Variants in MB21D2 observed in about 807,000 individuals in gnomAD.
MB21D2 encodes Mab-21 domain containing 2, also known as nucleotidyltransferase MB21D2.
In MB21D2, 9 loss-of-function variants were observed where a neutral mutation model predicts 33.3. That is an observed-to-expected ratio of 0.27 (90% CI 0.16 to 0.47). The LOEUF is 0.47. Among genes scored for constraint, MB21D2 ranks in the 20% least tolerant of loss-of-function variants. The pLI, the probability that MB21D2 is intolerant of heterozygous loss-of-function variation, is 0.99. For missense variants in MB21D2, 540 were observed against 624.6 expected, an observed-to-expected ratio of 0.86 and a Z score of 1.44; for synonymous variants, 241 against 236.3, an observed-to-expected ratio of 1.02 and a Z score of -0.18.
chr3:192,800,103 T>A (rs1711523029), intron 1 of MB21D2, among the ~76,000 whole-genome samples: 1 of 152,166 alleles, frequency 6.6e-6, no homozygotes, highest in Admixed American at 6.6e-5. Flanking sequence ...TTCGGCCTTT[T>A]TTATCTATTG....
At chr3:192,813,678 A>T (rs970828547) in intron 1 of MB21D2, among the ~76,000 whole-genome samples, 4 of 152,180 alleles carry the variant, frequency 2.6e-5, no homozygotes, top group African/African-American at 4.8e-5. Flanking sequence ...AGTCAAGATG[A>T]GTATACAAAG....
In MB21D2 at chr3:192,898,367, G is replaced by GA. The variant is rs140113179; in HGVS notation, c.211+19262dup. On this transcript the variant is annotated intron_variant, in intron 1 of 1. Coordinates refer to ENST00000392452, the MANE Select transcript of MB21D2 (RefSeq NM_178496.4). ...ACTATCTCATACTTTTCTTAATTGA[G>GA]AAAAAAGAAATTCTCATATTTAGAA... Among the ~76,000 whole-genome samples, 515 of 151,588 alleles carry GA rather than the reference G, an allele frequency of 3.4e-3. 7 individuals are homozygous for GA. Among genetic ancestry groups the GA allele is most frequent in the Middle Eastern group, 0.024 (7 of 292 alleles).
intron 1 of MB21D2, among the ~76,000 whole-genome samples, chr3:192,849,190 C>T (rs1263089229): frequency 1.3e-5 from 2 of 152,170 alleles, no homozygotes; most frequent in African/African-American, 4.8e-5. Context: ...TGCTCCCATG[C>T]TCACACTTGC....
At chr3:192,840,898 C>T (rs752987068) in intron 1 of MB21D2, among the ~76,000 whole-genome samples, 2 of 152,112 alleles carry the variant, frequency 1.3e-5, no homozygotes, top group Non-Finnish European at 1.5e-5. Context: ...TTAATTAACA[C>T]CAAAGCTTAT....
At position 192,870,699 on chromosome 3, in the gene MB21D2, G is replaced by GAAAAAAAAAAAAAAAAA. The variant is rs57320648; in HGVS notation, c.211+46914_211+46930dup. 2.6e-4 allele frequency among the ~76,000 whole-genome samples: 11 copies of GAAAAAAAAAAAAAAAAA among 41,664 alleles called. 1 individual carries two copies. The highest frequency in any genetic ancestry group is 8.7e-4 in the African/African-American group (8 of 9,208). 27.3% of individuals were successfully genotyped at this position (41,664 alleles called of 152,430 possible). A position where few individuals can be genotyped will look rare whatever the true frequency, so the allele number is the denominator to read the frequency against. On this transcript the variant is annotated intron_variant, in intron 1 of 1. Transcript: ENST00000392452. ...GCACTCCAGCCTGGGCGACTCCGTTGAAAAAAAAAAAAAAAAAAAAGGAAG... is the reference window on the plus strand; with the variant it reads ...GCACTCCAGCCTGGGCGACTCCGTTGAAAAAAAAAAAAAAAAAAAAAAAAAAAAAAAAAAAAAGGAAG...
chr3:192,831,542 C>T (rs941050147), intron 1 of MB21D2, among the ~76,000 whole-genome samples: 2 of 152,182 alleles, frequency 1.3e-5, no homozygotes, highest in African/African-American at 4.8e-5. Flanking sequence ...TCCATAGTCA[C>T]GTCACCTTCT....
At chr3:192,901,911 TG>T (rs1167928529) in intron 1 of MB21D2, among the ~76,000 whole-genome samples, 1 of 152,152 alleles carries the variant, frequency 6.6e-6, no homozygotes, top group African/African-American at 2.4e-5. Flanking sequence ...TGGGGGAGTG[TG>T]GGGGGAAAGC....
At position 192,917,596 on chromosome 3, in the gene MB21D2, C is replaced by T. The variant is rs780045574; in HGVS notation, c.211+34G>A. ...TACTCCGCTTCCCATCACACACACA[C>T]ACGCACACACACCTCCCCCTTTTTC... On this transcript the variant is annotated intron_variant, in intron 1 of 1. Coordinates refer to ENST00000392452, the MANE Select transcript of MB21D2 (RefSeq NM_178496.4). 1.7e-5 allele frequency: 28 copies of T among 1,606,410 alleles called. No homozygotes were observed. In the South Asian group the frequency reaches 2.9e-4, roughly 16 times the overall value.
At chr3:192,871,768 T>C (rs538261626) in intron 1 of MB21D2, among the ~76,000 whole-genome samples, 1 of 152,078 alleles carries the variant, frequency 6.6e-6, no homozygotes, top group East Asian at 1.9e-4. Flanking sequence ...GGATGCTTTT[T>C]AACTATAGAG....
intron 1 of MB21D2, among the ~76,000 whole-genome samples, chr3:192,890,444 G>A (rs1158508303): frequency 6.6e-6 from 1 of 152,006 alleles, no homozygotes; most frequent in Non-Finnish European, 1.5e-5. Context: ...TTTAAAGAAA[G>A]CCTGGGTTTT....
chr3:192,803,017 G>A (rs1021668274), intron 1 of MB21D2, among the ~76,000 whole-genome samples: 2 of 152,146 alleles, frequency 1.3e-5, no homozygotes, highest in Admixed American at 6.5e-5. Context: ...ACTAAGACTC[G>A]TCTATATAAT....
intron 1 of MB21D2, among the ~76,000 whole-genome samples, chr3:192,912,023 C>A (rs1409360845): frequency 6.6e-6 from 1 of 152,152 alleles, no homozygotes; most frequent in Non-Finnish European, 1.5e-5. Flanking sequence ...CAATCAAACA[C>A]TGGAAAGGTA....
chr3:192,878,160 C>T (rs1164340907), intron 1 of MB21D2, among the ~76,000 whole-genome samples: 2 of 137,544 alleles, frequency 1.5e-5, no homozygotes, highest in Non-Finnish European at 3.0e-5. Flanking sequence ...AGTGCAGTGG[C>T]GCAATCTCGG....
intron 1 of MB21D2, among the ~76,000 whole-genome samples, chr3:192,841,086 T>G (rs1712562714): frequency 6.6e-6 from 1 of 152,198 alleles, no homozygotes; most frequent in Non-Finnish European, 1.5e-5. Flanking sequence ...TACCTCTATC[T>G]CTTAAAAAAG....
At chr3:192,838,180 T>G (rs753224418) in intron 1 of MB21D2, among the ~76,000 whole-genome samples, 4 of 152,210 alleles carry the variant, frequency 2.6e-5, no homozygotes, top group Non-Finnish European at 5.9e-5. Context: ...GAAGAAGGCC[T>G]TGGTTCTTTA....
intron 1 of MB21D2, among the ~76,000 whole-genome samples, chr3:192,880,292 A>G (rs144910437): frequency 0.012 from 1,823 of 152,080 alleles, 56 homozygotes; most frequent in African/African-American, 0.042. Context: ...GGTTGCAGTG[A>G]GCCGAGATTG....
intron 1 of MB21D2, among the ~76,000 whole-genome samples, chr3:192,875,734 T>C (rs1177704786): frequency 1.3e-5 from 2 of 152,206 alleles, no homozygotes; most frequent in Admixed American, 1.3e-4. Context: ...TAATTAAGAC[T>C]TTCCACAGTG....
chr3:192,873,838 G>C (rs1198972880), intron 1 of MB21D2, among the ~76,000 whole-genome samples: 1 of 152,114 alleles, frequency 6.6e-6, no homozygotes, highest in African/African-American at 2.4e-5. Flanking sequence ...GAGTAGCTGG[G>C]ACTATAGGCG....
At position 192,900,307 on chromosome 3, in the gene MB21D2, A is replaced by AAAAAAG. The variant is rs1560255280; in HGVS notation, c.211+17322_211+17323insCTTTTT. ...CTCAAAAAAAAAAAAAAAAAAAAAAAATCACAGAAAGTGTTGAGGGGAGAA... is the reference window on the plus strand; with the variant it reads ...CTCAAAAAAAAAAAAAAAAAAAAAAAAAAAAGATCACAGAAAGTGTTGAGGGGAGAA... On this transcript the variant is annotated intron_variant, in intron 1 of 1. Transcript: ENST00000392452. Among the ~76,000 whole-genome samples the AAAAAAG allele has an allele frequency of 2.1e-5, 3 of 143,106 alleles. 1 individual carries two copies. Among genetic ancestry groups the AAAAAAG allele is most frequent in the Non-Finnish European group, 3.0e-5 (2 of 66,818 alleles). 93.9% of individuals were successfully genotyped at this position (143,106 alleles called of 152,430 possible).
Sources: gnomAD v4.1 joint callset for allele counts (sites outside exome capture counted in the v4.1 genomes callset) on GRCh38, gnomAD v4.1.1 for gene constraint, MANE v1.5 for transcripts, NCBI Gene and HGNC (gene_info 2026-07-23, HGNC 2026-07-21) for gene names.